Variants in ATP1B1 observed in about 807,000 individuals in gnomAD.
ATP1B1 encodes ATPase Na+/K+ transporting subunit beta 1.
Under a neutral mutation model 39.6 loss-of-function variants are expected in ATP1B1, and 3 were observed. That is an observed-to-expected ratio of 0.08 (90% CI 0.03 to 0.20). The LOEUF is 0.20. Among genes scored for constraint, ATP1B1 ranks in the 10% least tolerant of loss-of-function variants. ATP1B1 has a pLI of 1.00. For synonymous variants in ATP1B1, 139 were observed against 135.0 expected (o/e 1.03, Z -0.20); for missense variants, 216 against 371.1 (o/e 0.58, Z 3.43).
At chr1:169,115,185 C>CAA (rs35200858) in intron 2 of ATP1B1, among the ~76,000 whole-genome samples, 9 of 79,014 alleles carry the variant, frequency 1.1e-4, no homozygotes, top group African/African-American at 3.4e-4. Flanking sequence ...GACTCCATCT[C>CAA]AAAAAAAAAA....
intron 2 of ATP1B1, among the ~76,000 whole-genome samples, chr1:169,124,513 G>T (rs1658048752): frequency 6.6e-6 from 1 of 152,204 alleles, no homozygotes; most frequent in Admixed American, 6.5e-5. Flanking sequence ...GCACGTTGGG[G>T]TACTAGAAAC....
At chr1:169,116,688 TA>T (rs1233835209) in intron 2 of ATP1B1, among the ~76,000 whole-genome samples, 5 of 151,922 alleles carry the variant, frequency 3.3e-5, no homozygotes, top group Non-Finnish European at 5.9e-5. Flanking sequence ...CCATCTCTAC[TA>T]AAAATACAAA....
chr1:169,123,656 A>T (rs930743287), intron 2 of ATP1B1, among the ~76,000 whole-genome samples: 10 of 150,400 alleles, frequency 6.6e-5, no homozygotes, highest in African/African-American at 2.4e-4. Flanking sequence ...TTTGAGATAG[A>T]GTCTCTGTCA....
intron 3 of ATP1B1, among the ~76,000 whole-genome samples, chr1:169,126,660 A>G (rs760871110): frequency 6.6e-6 from 1 of 152,172 alleles, no homozygotes; most frequent in Non-Finnish European, 1.5e-5. Flanking sequence ...GCAGTGGGCC[A>G]TGATCATGCT....
intron 5 of ATP1B1, among the ~76,000 whole-genome samples, chr1:169,130,454 A>G (rs1247498015): frequency 6.6e-6 from 1 of 152,088 alleles, no homozygotes; most frequent in Non-Finnish European, 1.5e-5. Context: ...AAAAAAATTA[A>G]TGTCACATAA....
At chr1:169,119,167 G>A (rs1657918516) in intron 2 of ATP1B1, among the ~76,000 whole-genome samples, 1 of 152,222 alleles carries the variant, frequency 6.6e-6, no homozygotes, top group East Asian at 1.9e-4. Flanking sequence ...TGAAAAGCAA[G>A]TGGGAAGCCA....
chr1:169,125,993 A>G lies in ATP1B1; in HGVS notation c.382+954A>G, dbSNP rs567810451. Among the ~76,000 whole-genome samples the G allele has an allele frequency of 2.1e-4, 32 of 152,272 alleles. No individual in the cohort carries two copies. The East Asian group carries it at 5.8e-3, about 28-fold the overall frequency. On this transcript the variant is annotated intron_variant, in intron 3 of 5. Coordinates refer to ENST00000367815, the MANE Select transcript of ATP1B1 (RefSeq NM_001677.4). ...CTGTCTCAAAAACGTTAAAACAAAC[A>G]AACAAACATAAAACATCTCTCTGAG...
At chr1:169,112,032 T>A (rs1474883471) in intron 2 of ATP1B1, among the ~76,000 whole-genome samples, 1 of 152,230 alleles carries the variant, frequency 6.6e-6, no homozygotes, top group East Asian at 1.9e-4. Context: ...TTTAGGGGTC[T>A]ATTGTCCCAC....
At chr1:169,113,638 C>T (rs1657772294) in intron 2 of ATP1B1, among the ~76,000 whole-genome samples, 1 of 152,170 alleles carries the variant, frequency 6.6e-6, no homozygotes, top group Non-Finnish European at 1.5e-5. Context: ...GTGCTCAGTC[C>T]TTTCCAACAC....
intron 1 of ATP1B1, chr1:169,110,590 T>TTC: frequency 9.1e-7 from 1 of 1,097,412 alleles, no homozygotes; most frequent in Non-Finnish European, 1.2e-6. Flanking sequence ...TTTTTTTGCT[T>TTC]TTGCAGCTAT....
At chr1:169,130,422 A>C (rs1278823409) in intron 5 of ATP1B1, among the ~76,000 whole-genome samples, 1 of 149,084 alleles carries the variant, frequency 6.7e-6, no homozygotes, top group Admixed American at 6.7e-5. Flanking sequence ...AGCATGTATT[A>C]AAAATTTGGG....
At chr1:169,123,311 A>G (rs1571225348) in intron 2 of ATP1B1, among the ~76,000 whole-genome samples, 1 of 150,902 alleles carries the variant, frequency 6.6e-6, no homozygotes, top group Admixed American at 6.6e-5. Flanking sequence ...AGAGATTACG[A>G]TTTTGCAGGT....
chr1:169,124,572 C>T (rs946475721), intron 2 of ATP1B1, among the ~76,000 whole-genome samples: 1 of 152,170 alleles, frequency 6.6e-6, no homozygotes, highest in African/African-American at 2.4e-5. Context: ...TCTGGTTCTA[C>T]CACTTTCTGT....
In ATP1B1 at chr1:169,108,535, T is replaced by G. The variant is rs375514841; in HGVS notation, c.97+1609T>G. On this transcript the variant is annotated intron_variant, in intron 1 of 5. Coordinates refer to ENST00000367815, the MANE Select transcript of ATP1B1 (RefSeq NM_001677.4). ...ACAGGGGCAGGGGCTGCATTGACTC[T>G]AGGCACATTGTGAAATTTGCCTTCT... 5.9e-5 allele frequency among the ~76,000 whole-genome samples: 9 copies of G among 152,208 alleles called. No individual in the cohort carries two copies. The South Asian group carries it at 8.3e-4, about 14-fold the overall frequency.
chr1:169,120,344 C>T (rs1657948932), intron 2 of ATP1B1, among the ~76,000 whole-genome samples: 1 of 152,122 alleles, frequency 6.6e-6, no homozygotes, highest in South Asian at 2.1e-4. Context: ...AGCTCTGTAT[C>T]TTAAATGAAT....
At chr1:169,108,795 C>T (rs1657663032) in intron 1 of ATP1B1, among the ~76,000 whole-genome samples, 1 of 152,214 alleles carries the variant, frequency 6.6e-6, no homozygotes, top group Non-Finnish European at 1.5e-5. Flanking sequence ...AGACCCAGGA[C>T]TGCTGTACTT....
At chr1:169,123,583 C>CTA (rs1174911395) in intron 2 of ATP1B1, among the ~76,000 whole-genome samples, 44 of 77,428 alleles carry the variant, frequency 5.7e-4, no homozygotes, top group African/African-American at 1.6e-3. Flanking sequence ...ATATCTCTCT[C>CTA]TCTATATATA....
chr1:169,131,549 G>C lies in ATP1B1; in HGVS notation c.906G>C (p.Lys302Asn). The change falls in exon 6 of 6, where the codon AAG becomes AAC. Residue 302 changes from lysine to asparagine, a missense_variant. Coordinates refer to ENST00000367815, the MANE Select transcript of ATP1B1 (RefSeq NM_001677.4). The surrounding 1 kb of genome is among the most constrained non-coding windows in gnomAD (Gnocchi z 4.4). ...GTTTTGATGTAAAAATTGAAGTTAA[G>C]AGCTGATCACAAGCACAAATCTTTC... ...QGRFDVKIEV[K>N]S 1 of 1,610,846 alleles carries C rather than the reference G, an allele frequency of 6.2e-7. No individual in the cohort carries two copies. The highest frequency in any genetic ancestry group is 8.5e-7 in the Non-Finnish European group (1 of 1,178,038).
chr1:169,129,961 C>G, intron 4 of ATP1B1, 49 bp from the exon 5 acceptor site: 1 of 1,570,830 alleles, frequency 6.4e-7, no homozygotes, highest in Non-Finnish European at 8.7e-7. Context: ...TTTTCAGAAA[C>G]TTAAGAAATC....
Sources: allele counts gnomAD v4.1 joint callset (sites outside exome capture counted in the v4.1 genomes callset), GRCh38; gene constraint gnomAD v4.1.1; non-coding constraint Gnocchi (gnomAD v3.1); transcripts MANE v1.5; gene names NCBI Gene and HGNC (gene_info 2026-07-23, HGNC 2026-07-21).